CCDC122: variants seen among roughly 807,000 people sequenced by gnomAD.
CCDC122 encodes coiled-coil domain containing 122.
In CCDC122, 38 loss-of-function variants were observed where a neutral mutation model predicts 37.0. The observed-to-expected ratio is 1.03, with a 90% CI of 0.79 to 1.35. The LOEUF (loss-of-function observed/expected upper bound fraction) is 1.35, where lower values mean the gene tolerates loss of function less well. Ranked by LOEUF, CCDC122 falls within the 40% of genes most tolerant of loss-of-function variation. CCDC122 has a pLI of 0.00. For missense variants in CCDC122, 305 were observed against 310.0 expected (o/e 0.98, Z 0.12); for synonymous variants, 83 against 95.6 (o/e 0.87, Z 0.77).
Position 43,837,227 on chromosome 13 carries a change from G to C in CCDC122, c.*53C>G. 1 of 1,534,592 alleles carries C rather than the reference G, an allele frequency of 6.5e-7. No individual in the cohort carries two copies. Among genetic ancestry groups the C allele is most frequent in the Admixed American group, 1.9e-5 (1 of 51,652 alleles). ...ATCCAAAAGATTTTCTTAATGTTCTGTCCAGTAATTTTTGTTGTCATGGTC... is the reference window on the plus strand; with the variant it reads ...ATCCAAAAGATTTTCTTAATGTTCTCTCCAGTAATTTTTGTTGTCATGGTC... On this transcript the variant is annotated 3_prime_UTR_variant, in exon 7 of 7. Coordinates refer to ENST00000444614, the MANE Select transcript of CCDC122 (RefSeq NM_144974.5).
At chr13:43,833,318 C>T (rs938924241), downstream of CCDC122, among the ~76,000 whole-genome samples, 19 of 152,160 alleles carry the variant, frequency 1.2e-4, no homozygotes, top group Admixed American at 3.9e-4. Flanking sequence ...CGGATCAGGA[C>T]AGATACTACT....
downstream of CCDC122, among the ~76,000 whole-genome samples, chr13:43,833,807 T>C (rs763509716): frequency 1.3e-5 from 2 of 151,800 alleles, no homozygotes; most frequent in East Asian, 1.9e-4. Flanking sequence ...AACACTTCCA[T>C]GCAGAAAAAA....
intron 1 of CCDC122, chr13:43,878,110 T>TA (rs1437230433): frequency 4.7e-4 from 71 of 152,292 alleles, no homozygotes; most frequent in African/African-American, 1.6e-3. Context: ...ATTTTTTTTT[T>TA]ACTGCCACTA....
At position 43,825,548 on chromosome 13, in the gene CCDC122, T is replaced by C. The variant is rs539030777; in HGVS notation, n.602-1537A>G. On this transcript the variant is annotated intron_variant and non_coding_transcript_variant, in intron 3 of 3. Coordinates refer to the CCDC122 transcript ENST00000470137. Reference sequence around the variant, plus strand: ...ATTTTGGGAGGCCAACTTGGGTGGATCACCTGAGATCAGGAGTTCGAGACC... The same window carrying C: ...ATTTTGGGAGGCCAACTTGGGTGGACCACCTGAGATCAGGAGTTCGAGACC... Among the ~76,000 whole-genome samples, 7 of 152,186 alleles carry C rather than the reference T, an allele frequency of 4.6e-5. No homozygotes were observed. The East Asian group carries it at 1.4e-3, about 29-fold the overall frequency.
At chr13:43,859,495 G>A (rs563327092) in intron 5 of CCDC122, among the ~76,000 whole-genome samples, 177 bp downstream of exon 5, 8 of 152,040 alleles carry the variant, frequency 5.3e-5, no homozygotes, top group South Asian at 2.1e-4. Context: ...ATCTAGGGTC[G>A]TTGTTATATA....
intron 6 of CCDC122, among the ~76,000 whole-genome samples, chr13:43,839,601 T>C (rs947215478): frequency 3.3e-5 from 5 of 152,208 alleles, no homozygotes; most frequent in Non-Finnish European, 7.3e-5. Flanking sequence ...TTCTCAGGTA[T>C]ACAGTGAGGA....
intron 4 of CCDC122, among the ~76,000 whole-genome samples, chr13:43,863,542 A>G (rs903232498): frequency 1.3e-5 from 2 of 152,210 alleles, no homozygotes; most frequent in Non-Finnish European, 2.9e-5. Context: ...ACTTTTCAAG[A>G]AAGTATAAAC....
In CCDC122 at chr13:43,828,793, A is replaced by C. The variant is rs1290849431; in HGVS notation, n.602-4782T>G. Among the ~76,000 whole-genome samples, 3 of 152,216 alleles carry C rather than the reference A, an allele frequency of 2.0e-5. No individual in the cohort carries two copies. The South Asian group carries it at 6.2e-4, about 31-fold the overall frequency. ...TTTAAAGAACTAAATAAATAAATTTAGTTCTTTAAAAGTTGATATTCAAGT... is the reference window on the plus strand; with the variant it reads ...TTTAAAGAACTAAATAAATAAATTTCGTTCTTTAAAAGTTGATATTCAAGT... On this transcript the variant is annotated intron_variant and non_coding_transcript_variant, in intron 3 of 3. Transcript: ENST00000470137.
chr13:43,844,657 G>T (rs1276293161), intron 6 of CCDC122, among the ~76,000 whole-genome samples: 1 of 151,608 alleles, frequency 6.6e-6, no homozygotes, highest in Non-Finnish European at 1.5e-5. Context: ...CATGTATTTT[G>T]AAACTCTGTT....
In CCDC122 at chr13:43,877,854, G is replaced by A. The variant is rs185615104; in HGVS notation, c.-200+1777C>T. On this transcript the variant is annotated intron_variant, in intron 1 of 6. Coordinates refer to ENST00000444614, the MANE Select transcript of CCDC122 (RefSeq NM_144974.5). ...AAAACATGCTCAGGCCTAACTCCTAGAGATTCTGATTCAATGTATATTTGG... is the reference window on the plus strand; with the variant it reads ...AAAACATGCTCAGGCCTAACTCCTAAAGATTCTGATTCAATGTATATTTGG... 2.0e-4 allele frequency: 31 copies of A among 152,216 alleles called. No homozygotes were observed. In the East Asian group the frequency reaches 5.8e-3, roughly 28 times the overall value. 9.4% of individuals were successfully genotyped at this position (152,216 alleles called of 1,614,324 possible). A position where few individuals can be genotyped will look rare whatever the true frequency, so the allele number is the denominator to read the frequency against.
intron 6 of CCDC122, chr13:43,848,721 A>AT: frequency 2.0e-6 from 1 of 495,784 alleles, no homozygotes; most frequent in Non-Finnish European, 2.6e-6. Context: ...TCAAAAAAAC[A>AT]TTTTTTATTT....
intron 3 of CCDC122, among the ~76,000 whole-genome samples, chr13:43,829,011 A>G (rs1407117783): frequency 2.0e-5 from 3 of 152,216 alleles, no homozygotes; most frequent in African/African-American, 7.2e-5. Flanking sequence ...CAACACTAAC[A>G]ATTACTTTTG....
intron 6 of CCDC122, among the ~76,000 whole-genome samples, chr13:43,849,753 G>A (rs1393510847): frequency 1.3e-5 from 2 of 152,200 alleles, no homozygotes; most frequent in East Asian, 1.9e-4. Context: ...CAAGGGCTGG[G>A]TGGAAAGCCT....
intron 4 of CCDC122, among the ~76,000 whole-genome samples, chr13:43,862,390 C>A (rs981771943): frequency 1.3e-5 from 2 of 152,080 alleles, no homozygotes; most frequent in African/African-American, 4.8e-5. Flanking sequence ...TTTCACAATT[C>A]AGTATTATTA....
rs546538361 is a variant in CCDC122, at chr13:43,867,261, C to T, written c.156+1433G>A. Among the ~76,000 whole-genome samples the T allele has an allele frequency of 5.3e-5, 8 of 152,112 alleles. No homozygotes were observed. The South Asian group carries it at 1.0e-3, about 20-fold the overall frequency. On this transcript the variant is annotated intron_variant, in intron 4 of 6. Coordinates refer to ENST00000444614, the MANE Select transcript of CCDC122 (RefSeq NM_144974.5). ...TTAGAATAAAGTTGAAGTTTCTTAT[C>T]GTGGTATAAATCTTCCATGATTTTT...
intron 6 of CCDC122, among the ~76,000 whole-genome samples, chr13:43,840,426 C>T (rs1004966657): frequency 6.6e-6 from 1 of 151,926 alleles, no homozygotes; most frequent in Non-Finnish European, 1.5e-5. Context: ...ATGTGCACAA[C>T]ATGCAGGTTT....
intron 6 of CCDC122, chr13:43,856,370 C>T (rs1046893440): frequency 6.6e-6 from 1 of 152,366 alleles, no homozygotes. Context: ...GTGGCTCACG[C>T]CTGTAATCCC....
At chr13:43,832,261 T>C (rs1953096885), downstream of CCDC122, among the ~76,000 whole-genome samples, 1 of 148,430 alleles carries the variant, frequency 6.7e-6, no homozygotes, top group African/African-American at 2.5e-5. Flanking sequence ...GCTTAGTTAA[T>C]GAAAAATAAA....
At chr13:43,877,298 T>C (rs561423250) in intron 1 of CCDC122, among the ~76,000 whole-genome samples, 2 of 152,296 alleles carry the variant, frequency 1.3e-5, no homozygotes, top group African/African-American at 4.8e-5. Context: ...TTGGATCTTC[T>C]CAATAGATGG....
Sources: allele counts gnomAD v4.1 joint callset (sites outside exome capture counted in the v4.1 genomes callset), GRCh38; gene constraint gnomAD v4.1.1; transcripts MANE v1.5; gene names NCBI Gene and HGNC (gene_info 2026-07-23, HGNC 2026-07-21).